RPH3A: variants seen among roughly 807,000 people sequenced by gnomAD.
RPH3A encodes rabphilin 3A, also known as rabphilin-3A.
In RPH3A, 48 loss-of-function variants were observed where a neutral mutation model predicts 102.2. The ratio of observed to expected loss-of-function variants is 0.47; its 90% CI spans 0.37 to 0.60. The LOEUF (loss-of-function observed/expected upper bound fraction) is 0.60, where lower values mean the gene tolerates loss of function less well. RPH3A is among the 20% of genes least tolerant of loss of function. The pLI is 0.00. For missense variants in RPH3A, 781 were observed against 910.1 expected, an observed-to-expected ratio of 0.86 and a Z score of 1.83; for synonymous variants, 310 against 324.3, an observed-to-expected ratio of 0.96 and a Z score of 0.47.
chr12:112,679,816 G>C (rs947615726), intron 1 of RPH3A, among the ~76,000 whole-genome samples: 1 of 152,216 alleles, frequency 6.6e-6, no homozygotes, highest in Non-Finnish European at 1.5e-5. Flanking sequence ...AAGCTCACAG[G>C]CTAGTGGGGG....
At chr12:112,825,534 C>T (rs573767544) in intron 2 of RPH3A, among the ~76,000 whole-genome samples, 57 of 152,158 alleles carry the variant, frequency 3.7e-4, no homozygotes, top group African/African-American at 1.3e-3. Context: ...GGTCTCTCCC[C>T]CCCTTACTCT....
At chr12:112,759,967 C>T (rs560370840) in intron 1 of RPH3A, among the ~76,000 whole-genome samples, 161 of 152,292 alleles carry the variant, frequency 1.1e-3, no homozygotes, top group Non-Finnish European at 1.7e-3. Flanking sequence ...TGCTGAGTCA[C>T]GTCGGCTGGA....
intron 1 of RPH3A, among the ~76,000 whole-genome samples, chr12:112,704,507 C>T (rs1215329190): frequency 1.3e-5 from 2 of 152,134 alleles, no homozygotes; most frequent in African/African-American, 2.4e-5. Context: ...AGTGTGGTCT[C>T]TGAGTAGGTG....
intron 1 of RPH3A, among the ~76,000 whole-genome samples, chr12:112,618,795 C>T (rs182485195): frequency 1.7e-4 from 26 of 152,282 alleles, no homozygotes; most frequent in Admixed American, 6.5e-4. Context: ...TATCTCCACA[C>T]GTAATTTTAG....
At chr12:112,821,784 T>C (rs950246219) in intron 2 of RPH3A, among the ~76,000 whole-genome samples, 2 of 152,240 alleles carry the variant, frequency 1.3e-5, no homozygotes, top group Non-Finnish European at 2.9e-5. Context: ...GTATGTTCCA[T>C]GAGGACAATA....
intron 1 of RPH3A, among the ~76,000 whole-genome samples, chr12:112,740,679 A>G (rs1336718424): frequency 2.0e-5 from 3 of 152,218 alleles, no homozygotes; most frequent in Non-Finnish European, 4.4e-5. Flanking sequence ...AAATGTCAAC[A>G]TATCAAATTG....
chr12:112,791,735 G>C (rs887553547), upstream of RPH3A: 1 of 150,872 alleles, frequency 6.6e-6, no homozygotes, highest in East Asian at 1.9e-4. Flanking sequence ...CTGCCGCCCC[G>C]CTTCCCTTGC....
At chr12:112,697,273 G>A (rs1235925201) in intron 1 of RPH3A, among the ~76,000 whole-genome samples, 1 of 152,184 alleles carries the variant, frequency 6.6e-6, no homozygotes, top group Admixed American at 6.5e-5. Context: ...ATTTAGCAAG[G>A]TTGCAGGATA....
At chr12:112,665,923 T>C (rs2136006035) in intron 1 of RPH3A, among the ~76,000 whole-genome samples, 1 of 152,322 alleles carries the variant, frequency 6.6e-6, no homozygotes, top group South Asian at 2.1e-4. Context: ...ACTTTGCCAC[T>C]GCAAAGCCTT....
intron 1 of RPH3A, among the ~76,000 whole-genome samples, chr12:112,730,486 A>G (rs954453792): frequency 8.5e-5 from 13 of 152,172 alleles, no homozygotes; most frequent in Non-Finnish European, 1.3e-4. Context: ...TGTCAGCCCA[A>G]TGCTGGAAAA....
chr12:112,865,721 C>T (rs899038395), intron 6 of RPH3A, 178 bp downstream of exon 6: 2 of 589,084 alleles, frequency 3.4e-6, no homozygotes, highest in Non-Finnish European at 5.5e-6. Flanking sequence ...CAACGTAACC[C>T]TGATCCTGGT....
chr12:112,809,862 G>GT (rs1455361448), intron 2 of RPH3A, among the ~76,000 whole-genome samples: 1 of 152,188 alleles, frequency 6.6e-6, no homozygotes, highest in Non-Finnish European at 1.5e-5. Context: ...GAAACATGGA[G>GT]TGAAGTGCCT....
At chr12:112,886,933 G>A (rs1357592733) in intron 16 of RPH3A, among the ~76,000 whole-genome samples, 1 of 152,192 alleles carries the variant, frequency 6.6e-6, no homozygotes, top group Non-Finnish European at 1.5e-5. Context: ...TTAATCATCA[G>A]GGAAATGTAA....
At chr12:112,776,922 G>GGA (rs1407942168) in intron 1 of RPH3A, among the ~76,000 whole-genome samples, 5 of 131,290 alleles carry the variant, frequency 3.8e-5, no homozygotes, top group African/African-American at 1.4e-4. Context: ...GAAAGTGCAA[G>GGA]GCCTCTTAAA....
chr12:112,856,299 G>A lies in RPH3A; in HGVS notation c.230+8457G>A, dbSNP rs576100815. Among the ~76,000 whole-genome samples the A allele has an allele frequency of 3.3e-5, 5 of 152,336 alleles. No homozygotes were observed. In the South Asian group the frequency reaches 1.0e-3, roughly 32 times the overall value. On this transcript the variant is annotated intron_variant, in intron 5 of 21. Coordinates refer to ENST00000389385, the MANE Select transcript of RPH3A (RefSeq NM_001143854.2). ...AAAGTAGTTACTTGAATGTTTCTGA[G>A]GTCAGTTTGGGCTTTTTGTGGGAGG...
chr12:112,663,202 C>T (rs185581718), intron 1 of RPH3A, among the ~76,000 whole-genome samples: 23 of 151,936 alleles, frequency 1.5e-4, no homozygotes, highest in African/African-American at 4.8e-4. Flanking sequence ...ATAATGTGAG[C>T]CCATAAATTC....
intron 1 of RPH3A, among the ~76,000 whole-genome samples, chr12:112,661,780 G>C (rs1295299245): frequency 6.6e-6 from 1 of 151,580 alleles, no homozygotes; most frequent in Non-Finnish European, 1.5e-5. Context: ...AATTAAGGAA[G>C]TGATTTTGGA....
chr12:112,683,006 T>C (rs187030769), intron 1 of RPH3A, among the ~76,000 whole-genome samples: 207 of 152,352 alleles, frequency 1.4e-3, no homozygotes, highest in Non-Finnish European at 2.4e-3. Flanking sequence ...TAGCTTTGCA[T>C]GTGTGCAATT....
intron 1 of RPH3A, among the ~76,000 whole-genome samples, chr12:112,713,049 CTCCTTCTTCTT>C (rs1565857474): frequency 3.8e-4 from 26 of 68,396 alleles, no homozygotes; most frequent in South Asian, 7.1e-4. Flanking sequence ...TCTTCTTCTT[CTCCTTCTTCTT>C]CTTCTTCTTC....
Sources: gnomAD v4.1 joint callset for allele counts (sites outside exome capture counted in the v4.1 genomes callset) on GRCh38, gnomAD v4.1.1 for gene constraint, MANE v1.5 for transcripts, NCBI Gene and HGNC (gene_info 2026-07-23, HGNC 2026-07-21) for gene names.